Variants in ADAMTS17 observed in about 807,000 individuals in gnomAD.
The protein encoded by ADAMTS17 is A disintegrin and metalloproteinase with thrombospondin motifs 17.
ADAMTS17 carries 113 observed loss-of-function variants against 141.5 expected under a neutral mutation model. The ratio of observed to expected loss-of-function variants is 0.80; its 90% CI spans 0.69 to 0.93. The LOEUF is 0.93. Among genes scored for constraint, ADAMTS17 ranks in the 40% least tolerant of loss-of-function variants. The probability of loss-of-function intolerance (pLI) is 0.00; values close to 1 mark genes in which losing one functional copy is unlikely to be tolerated. For missense variants in ADAMTS17, 1,659 were observed against 1,517.9 expected (o/e 1.09, Z -1.54); for synonymous variants, 768 against 630.6 (o/e 1.22, Z -3.27).
intron 8 of ADAMTS17, among the ~76,000 whole-genome samples, chr15:100,187,241 C>T (rs2040751956): frequency 6.6e-6 from 1 of 152,210 alleles, no homozygotes; most frequent in Non-Finnish European, 1.5e-5. Flanking sequence ...AGCGTGCCCA[C>T]TGTGTTCAAA....
At chr15:100,108,905 C>CCT in intron 14 of ADAMTS17, 84 bp downstream of exon 14, 1 of 1,606,822 alleles carries the variant, frequency 6.2e-7, no homozygotes, top group Non-Finnish European at 8.5e-7. Context: ...CCTCCTGAGA[C>CCT]CTCTGCTCTA....
chr15:99,996,142 C>T (rs903604182), intron 19 of ADAMTS17, among the ~76,000 whole-genome samples: 3 of 151,596 alleles, frequency 2.0e-5, no homozygotes, highest in Non-Finnish European at 4.4e-5. Context: ...GCAACCTCTA[C>T]CTCCCAGGTT....
chr15:100,204,591 A>G (rs1233380839), intron 7 of ADAMTS17, among the ~76,000 whole-genome samples: 1 of 152,236 alleles, frequency 6.6e-6, no homozygotes, highest in African/African-American at 2.4e-5. Context: ...AAAGGAATAA[A>G]AAAGTTGGAC....
chr15:100,089,256 C>T (rs1306125847), intron 15 of ADAMTS17, among the ~76,000 whole-genome samples: 1 of 132,428 alleles, frequency 7.6e-6, no homozygotes, highest in Non-Finnish European at 1.5e-5. Context: ...CACTGGCCAT[C>T]AGAGAAATGC....
At chr15:100,170,340 T>C (rs972871563) in intron 8 of ADAMTS17, among the ~76,000 whole-genome samples, 2 of 152,172 alleles carry the variant, frequency 1.3e-5, no homozygotes, top group Admixed American at 1.3e-4. Flanking sequence ...TGTAGCTCCC[T>C]CATCTGAACC....
At chr15:100,195,090 T>C (rs1241257445) in intron 8 of ADAMTS17, among the ~76,000 whole-genome samples, 1 of 152,232 alleles carries the variant, frequency 6.6e-6, no homozygotes, top group Non-Finnish European at 1.5e-5. Flanking sequence ...TGGCTGCCCA[T>C]CAGAATAGCC....
chr15:100,278,294 C>T (rs567627897), intron 4 of ADAMTS17, among the ~76,000 whole-genome samples: 11 of 146,546 alleles, frequency 7.5e-5, no homozygotes, highest in East Asian at 2.0e-4. Flanking sequence ...ATGGTTCAGA[C>T]GGTGAATTTC....
chr15:100,024,687 C>A (rs1281555203), intron 18 of ADAMTS17, among the ~76,000 whole-genome samples: 1 of 152,136 alleles, frequency 6.6e-6, no homozygotes, highest in Non-Finnish European at 1.5e-5. Flanking sequence ...TGTGAAGGGG[C>A]AAGGTTTCCA....
chr15:100,026,449 G>A (rs1179712134), intron 18 of ADAMTS17, among the ~76,000 whole-genome samples: 1 of 152,330 alleles, frequency 6.6e-6, no homozygotes, highest in South Asian at 2.1e-4. Flanking sequence ...CATCTTGAAT[G>A]CTTATCCGCC....
intron 8 of ADAMTS17, among the ~76,000 whole-genome samples, chr15:100,180,115 G>T (rs2141523395): frequency 6.6e-6 from 1 of 152,278 alleles, no homozygotes; most frequent in East Asian, 1.9e-4. Flanking sequence ...CCACTGTCCT[G>T]GAGTGTCTCC....
At chr15:100,193,377 C>T (rs926325380) in intron 8 of ADAMTS17, among the ~76,000 whole-genome samples, 2 of 152,072 alleles carry the variant, frequency 1.3e-5, no homozygotes, top group East Asian at 1.9e-4. Flanking sequence ...TCAGGGTGAC[C>T]GAGAGAGAGG....
At chr15:99,975,958 G>A in intron 21 of ADAMTS17, 87 bp downstream of exon 21, 1 of 1,419,064 alleles carries the variant, frequency 7.0e-7, no homozygotes, top group Non-Finnish European at 9.5e-7. Context: ...GGGGCTTTCT[G>A]GCTGAAAGAA....
rs773926845 is a variant in ADAMTS17, at chr15:100,331,038, A to G, written c.467T>C (p.Leu156Pro). The G allele has an allele frequency of 6.2e-7, 1 of 1,614,164 alleles. No individual in the cohort carries two copies. The highest frequency in any genetic ancestry group is 2.2e-5 in the East Asian group (1 of 44,872). Residue 156 changes from leucine to proline, a missense_variant, in exon 3 of 22, where the codon CTT (leucine) becomes CCT (proline). Transcript: ENST00000268070. ...CTGGATTAGCACCTGCTCCTGCCCA[A>G]GCTGAATGAGGCCAACCTGTCCAGA... ...AAGGLVGLIQ[L>P]GQEQVLIQPL...
rs529130126 is a variant in ADAMTS17 at position 100,007,999 on chromosome 15, G to A, written c.2592-10410C>T. The stretch of plus-strand genomic sequence containing the variant: ...GGTGACCGCCAGGTCAGGGATGCCG[G>A]GAAGGGACTGCACCTGTAGTGCTGG... On this transcript the variant is annotated intron_variant, in intron 18 of 21. Coordinates refer to ENST00000268070, the MANE Select transcript of ADAMTS17 (RefSeq NM_139057.4). 2.6e-5 allele frequency among the ~76,000 whole-genome samples: 4 copies of A among 152,226 alleles called. No homozygotes were observed. The East Asian group carries it at 5.8e-4, about 22-fold the overall frequency.
intron 20 of ADAMTS17, among the ~76,000 whole-genome samples, chr15:99,992,098 G>A (rs2060701386): frequency 6.6e-6 from 1 of 152,084 alleles, no homozygotes; most frequent in African/African-American, 2.4e-5. Flanking sequence ...TAGATGATGG[G>A]TTGATGGGCG....
At chr15:100,304,548 G>A (rs2045156022) in intron 3 of ADAMTS17, among the ~76,000 whole-genome samples, 1 of 152,076 alleles carries the variant, frequency 6.6e-6, no homozygotes, top group South Asian at 2.1e-4. Flanking sequence ...CTTGGGGGAA[G>A]GGTTCCATCT....
At chr15:100,152,824 T>C in intron 9 of ADAMTS17, 62 bp from the exon 10 acceptor site, 6 of 1,513,610 alleles carry the variant, frequency 4.0e-6, no homozygotes, top group South Asian at 2.4e-5. Context: ...TTGTTTTCTT[T>C]TTCTTTTTTT....
At chr15:100,174,170 T>C (rs80028241) in intron 8 of ADAMTS17, among the ~76,000 whole-genome samples, 6,516 of 152,326 alleles carry the variant, frequency 0.043, 217 homozygotes, top group East Asian at 0.17. Flanking sequence ...ACTTCTTAGC[T>C]AGGCAACACA....
chr15:100,082,516 G>C (rs1201867153), intron 15 of ADAMTS17, among the ~76,000 whole-genome samples: 1 of 151,910 alleles, frequency 6.6e-6, no homozygotes, highest in African/African-American at 2.4e-5. Context: ...TTCCTGAGTA[G>C]TGGGGACTTC....
Sources: allele counts gnomAD v4.1 joint callset (sites outside exome capture counted in the v4.1 genomes callset), GRCh38; gene constraint gnomAD v4.1.1; transcripts MANE v1.5; gene names NCBI Gene and HGNC (gene_info 2026-07-23, HGNC 2026-07-21).